The following RIMS2 variants were observed in gnomAD, a reference collection of about 807,000 sequenced individuals.
RIMS2 encodes regulating synaptic membrane exocytosis 2, also known as regulating synaptic membrane exocytosis protein 2.
RIMS2 carries 59 observed loss-of-function variants against 174.4 expected under a neutral mutation model. The ratio of observed to expected loss-of-function variants is 0.34; its 90% confidence interval spans 0.27 to 0.42. The LOEUF is 0.42. RIMS2 is among the 10% of genes least tolerant of loss of function. The pLI is 1.00. For missense variants in RIMS2, 1,620 were observed against 1,666.3 expected (o/e 0.97, Z 0.48); for synonymous variants, 606 against 572.5 (o/e 1.06, Z -0.84).
At chr8:103,910,126 T>C in intron 4 of RIMS2, 195 bp from the exon 8 acceptor site, 1 of 1,589,968 alleles carries the variant, frequency 6.3e-7, no homozygotes, top group Non-Finnish European at 8.6e-7. Flanking sequence ...TTTGTCTGAC[T>C]CTCACAGGAG....
At chr8:103,722,251 G>C (rs867652793) in intron 2 of RIMS2, among the ~76,000 whole-genome samples, 2 of 152,108 alleles carry the variant, frequency 1.3e-5, no homozygotes, top group Non-Finnish European at 2.9e-5. Context: ...GCACATGCCT[G>C]TAGTCCCAGC....
intron 19 of RIMS2, among the ~76,000 whole-genome samples, chr8:104,110,694 A>T (rs904568023): frequency 3.3e-5 from 5 of 152,196 alleles, no homozygotes; most frequent in Non-Finnish European, 7.4e-5. Flanking sequence ...CTTTTAAATC[A>T]GTGCTTTTCA....
chr8:103,833,325 T>A (rs549628993), intron 3 of RIMS2, among the ~76,000 whole-genome samples: 1 of 152,308 alleles, frequency 6.6e-6, no homozygotes, highest in East Asian at 1.9e-4. Context: ...AGTCTTGTTA[T>A]GTTATGCTTA....
At chr8:104,250,928 C>A in intron 22 of RIMS2, 96 bp from the exon 29 acceptor site, 2 of 1,076,592 alleles carry the variant, frequency 1.9e-6, no homozygotes, top group South Asian at 1.5e-5. Context: ...CTAGCTCTTT[C>A]AGCCAAAGAT....
At chr8:103,990,155 G>C (rs191609275) in intron 17 of RIMS2, among the ~76,000 whole-genome samples, 1 of 152,046 alleles carries the variant, frequency 6.6e-6, no homozygotes, top group Admixed American at 6.6e-5. Flanking sequence ...ATAAAATAAC[G>C]AAGGAACTCA....
At chr8:103,713,067 A>G (rs1345533783) in intron 2 of RIMS2, among the ~76,000 whole-genome samples, 3 of 151,426 alleles carry the variant, frequency 2.0e-5, no homozygotes, top group African/African-American at 4.9e-5. Context: ...TGCCCAGGCT[A>G]TAGTGCAGTG....
rs189376195 is a variant in RIMS2, at chr8:103,746,842, C to T, written c.388-19385C>T. ...ACTACAGGCATGTGCCACCACACCCCGCTAATTTTTTGTATTTTTAGTAGA... is the reference window on the plus strand; with the variant it reads ...ACTACAGGCATGTGCCACCACACCCTGCTAATTTTTTGTATTTTTAGTAGA... On this transcript the variant is annotated intron_variant, in intron 2 of 23. Transcript: ENST00000504942. Among the ~76,000 whole-genome samples, 56 of 151,922 alleles carry T rather than the reference C, an allele frequency of 3.7e-4. 1 individual carries two copies. The highest frequency in any genetic ancestry group is 1.3e-3 in the African/African-American group (54 of 41,412).
At chr8:103,719,069 A>G (rs2138335957) in intron 2 of RIMS2, among the ~76,000 whole-genome samples, 1 of 152,296 alleles carries the variant, frequency 6.6e-6, no homozygotes, top group Non-Finnish European at 1.5e-5. Context: ...GTTCTAGCAA[A>G]TGAGTTATAA....
At chr8:103,597,045 C>T (rs1390359866) in intron 1 of RIMS2, among the ~76,000 whole-genome samples, 1 of 151,958 alleles carries the variant, frequency 6.6e-6, no homozygotes, top group African/African-American at 2.4e-5. Flanking sequence ...ATTTGGATAA[C>T]AATGTGGTAG....
chr8:104,048,082 A>T (rs1029630162), intron 19 of RIMS2, among the ~76,000 whole-genome samples: 28 of 152,180 alleles, frequency 1.8e-4, no homozygotes, highest in Non-Finnish European at 2.6e-4. Context: ...AAATAAATTT[A>T]AAAAGAGGAA....
chr8:103,666,116 G>A (rs1252475119), intron 1 of RIMS2, among the ~76,000 whole-genome samples: 1 of 152,140 alleles, frequency 6.6e-6, no homozygotes, highest in Non-Finnish European at 1.5e-5. Flanking sequence ...CTGCCACATG[G>A]TCAGAGAGGA....
chr8:104,235,046 A>G (rs1325845695), intron 19 of RIMS2, among the ~76,000 whole-genome samples: 1 of 152,168 alleles, frequency 6.6e-6, no homozygotes, highest in Non-Finnish European at 1.5e-5. Flanking sequence ...CATTTTTATC[A>G]TAAATACGTT....
intron 19 of RIMS2, among the ~76,000 whole-genome samples, chr8:104,025,973 A>G (rs192459573): frequency 6.6e-6 from 1 of 150,770 alleles, no homozygotes; most frequent in Admixed American, 6.6e-5. Context: ...AGGCTACCCC[A>G]TCTAGGTTTG....
At chr8:104,218,433 T>C (rs971848579) in intron 19 of RIMS2, among the ~76,000 whole-genome samples, 3 of 152,234 alleles carry the variant, frequency 2.0e-5, no homozygotes, top group African/African-American at 2.4e-5. Flanking sequence ...GGAAACAGTT[T>C]TGTCGAAGAC....
intron 1 of RIMS2, among the ~76,000 whole-genome samples, chr8:103,667,520 C>T (rs1402200323): frequency 1.3e-5 from 2 of 152,138 alleles, no homozygotes; most frequent in Non-Finnish European, 2.9e-5. Context: ...CATTATGAAG[C>T]AACAAAGATA....
rs200652282 is a variant in RIMS2 at position 103,998,271 on chromosome 8, A to G, written c.3044+8850A>G. The G allele has an allele frequency of 2.2e-3, 3,397 of 1,568,860 alleles. 15 individuals are homozygous for G. The highest frequency in any genetic ancestry group is 2.4e-3 in the Non-Finnish European group (2,769 of 1,141,638). ...GGCAGGTATATTTTTCTTACAATTG[A>G]GTCTGTTTGTGGAATTGCTTGTGCC... is the stretch of plus-strand genomic sequence containing the variant. On this transcript the variant is annotated intron_variant, in intron 17 of 23. Coordinates refer to ENST00000504942, the Ensembl canonical transcript of RIMS2.
At chr8:103,997,823 T>C (rs1214465567) in intron 17 of RIMS2, among the ~76,000 whole-genome samples, 1 of 151,662 alleles carries the variant, frequency 6.6e-6, no homozygotes, top group East Asian at 1.9e-4. Flanking sequence ...AATTACCTCA[T>C]TTATTATTTC....
intron 2 of RIMS2, among the ~76,000 whole-genome samples, chr8:103,712,661 A>C (rs552754807): frequency 1.3e-5 from 2 of 152,322 alleles, no homozygotes; most frequent in East Asian, 3.9e-4. Flanking sequence ...ACAGTTTAAG[A>C]TATAAAAAAT....
At chr8:103,950,284 TTACTC>T (rs1361316358) in intron 14 of RIMS2, among the ~76,000 whole-genome samples, 4 of 152,072 alleles carry the variant, frequency 2.6e-5, no homozygotes, top group Non-Finnish European at 5.9e-5. Flanking sequence ...GAAACAAACA[TTACTC>T]TAATACCAAC....
Sources: gnomAD v4.1 joint callset for allele counts (sites outside exome capture counted in the v4.1 genomes callset) on GRCh38, gnomAD v4.1.1 for gene constraint, MANE v1.5 for transcripts, NCBI Gene and HGNC (gene_info 2026-07-23, HGNC 2026-07-21) for gene names.